Variants in SPARCL1 observed in about 807,000 individuals in gnomAD.
SPARCL1 encodes SPARC like 1.
In SPARCL1, 52 loss-of-function variants were observed where a neutral mutation model predicts 67.1. The ratio of observed to expected loss-of-function variants is 0.78; its 90% CI spans 0.62 to 0.98. The LOEUF (loss-of-function observed/expected upper bound fraction) is 0.98, where lower values mean the gene tolerates loss of function less well. Ranked by LOEUF, SPARCL1 falls within the 50% of genes least tolerant of loss-of-function variation. The probability of loss-of-function intolerance (pLI) is 0.00; values close to 1 mark genes in which losing one functional copy is unlikely to be tolerated. For missense variants in SPARCL1, 717 were observed against 782.4 expected (o/e 0.92, Z 1.00); for synonymous variants, 226 against 267.8 (o/e 0.84, Z 1.52).
chr4:87,511,067 G>C (rs560351289), intron 1 of SPARCL1, among the ~76,000 whole-genome samples: 1 of 152,322 alleles, frequency 6.6e-6, no homozygotes, highest in South Asian at 2.1e-4. Context: ...CACCCCTGCC[G>C]CGAGTTCCGT....
At position 87,495,071 on chromosome 4, in the gene SPARCL1, A is replaced by G. The variant is rs8342; in HGVS notation, c.111T>C (p.Pro37=). 1,014,485 of 1,611,304 alleles carry G rather than the reference A, an allele frequency of 0.63. 325,309 individuals are homozygous for G. Among genetic ancestry groups the G allele is most frequent in the African/African-American group, 0.86 (64,729 of 74,892 alleles). Residue 37 remains proline (P), a synonymous_variant, in exon 3 of 11, where the codon CCT becomes CCC. Transcript: ENST00000282470. ...TTAAACTGGGGATTGCAGTGTTGTC[A>G]GGTGCTACCGTTTCAGCAGTTGGTT... The part of the protein sequence containing the change: ...HSKPTAETVA[P]DNTAIPSLRA...
chr4:87,506,787 A>ATCTATCTATCTATCTATC (rs1725098003), intron 1 of SPARCL1, among the ~76,000 whole-genome samples: 3 of 34,390 alleles, frequency 8.7e-5, no homozygotes, highest in Non-Finnish European at 2.2e-4. Flanking sequence ...TCTATCATCT[A>ATCTATCTATCTATCTATC]TCTATCTATC....
chr4:87,482,579 G>A lies in SPARCL1; in HGVS notation c.1532-19C>T, dbSNP rs979898955. 1.9e-6 allele frequency: 3 copies of A among 1,613,596 alleles called. No individual in the cohort carries two copies. The stretch of plus-strand genomic sequence containing the variant: ...GGAATAGCTGTTACAAGCAGAAAAT[G>A]TACTGTAATCTTTGGGCTTATTTGT... On this transcript the variant is annotated intron_variant, in intron 7 of 10. Transcript: ENST00000282470.
intron 1 of SPARCL1, among the ~76,000 whole-genome samples, chr4:87,516,687 G>A (rs147719191): frequency 5.3e-5 from 8 of 152,216 alleles, no homozygotes; most frequent in African/African-American, 1.4e-4. Context: ...AAGGGCACCC[G>A]GAGGCACAGC....
Position 87,494,904 on chromosome 4 carries a change from T to A in SPARCL1, c.201+77A>T. 2.3e-6 allele frequency: 3 copies of A among 1,302,940 alleles called. No individual in the cohort carries two copies. In the East Asian group the frequency reaches 7.1e-5, roughly 31 times the overall value. 80.7% of individuals were successfully genotyped at this position (1,302,940 alleles called of 1,614,324 possible). The stretch of plus-strand genomic sequence containing the variant: ...TTAAACTGAGACATAAATAACATAA[T>A]CTCTTTTACCATGCTTTGAAACTAA... On this transcript the variant is annotated intron_variant, in intron 3 of 10. Coordinates refer to ENST00000282470, the MANE Select transcript of SPARCL1 (RefSeq NM_004684.6).
Position 87,490,130 on chromosome 4 carries a change from T to C in SPARCL1, c.1531+143A>G, listed in dbSNP as rs565646232. On this transcript the variant is annotated intron_variant, in intron 7 of 10. Transcript: ENST00000282470. ...TACGGTTAAGGCCTGAGAGTTCTTA[T>C]TTTTTAAGTTTCTCCAGTTGATAAT... 14 of 891,626 alleles carry C rather than the reference T, an allele frequency of 1.6e-5. No individual in the cohort carries two copies. In the South Asian group the frequency reaches 2.5e-4, roughly 16 times the overall value. The allele number at this position is 891,626 out of a possible 1,614,324, so 55.2% of individuals were successfully genotyped here.
At chr4:87,480,670 A>G (rs569489379) in intron 8 of SPARCL1, 150 bp from the exon 9 acceptor site, 2 of 646,898 alleles carry the variant, frequency 3.1e-6, no homozygotes, top group Non-Finnish European at 2.5e-6. Flanking sequence ...ATTCCTTCCA[A>G]TCAATACTAC....
chr4:87,493,187 T>TGGA, intron 4 of SPARCL1, among the ~76,000 whole-genome samples: 1 of 152,288 alleles, frequency 6.6e-6, no homozygotes, highest in African/African-American at 2.4e-5. Flanking sequence ...GCTGGGAAAT[T>TGGA]AATACCCCTC....
Position 87,479,639 on chromosome 4 carries a change from C to T in SPARCL1, c.1818-61G>A, listed in dbSNP as rs1427788202. On this transcript the variant is annotated intron_variant, in intron 9 of 10. Coordinates refer to ENST00000282470, the MANE Select transcript of SPARCL1 (RefSeq NM_004684.6). ...AGCTTGTGCATGAAGATTTAACTCT[C>T]AGGCTCACCAAGGACATTTTTCTCC... 6 of 1,538,450 alleles carry T rather than the reference C, an allele frequency of 3.9e-6. No homozygotes were observed. The East Asian group carries it at 1.1e-4, about 29-fold the overall frequency.
chr4:87,482,288 C>T, intron 8 of SPARCL1, 136 bp downstream of exon 8: 1 of 851,042 alleles, frequency 1.2e-6, no homozygotes, highest in Non-Finnish European at 1.8e-6. Flanking sequence ...TTCTGTTAAG[C>T]CACATGGGCT....
intron 2 of SPARCL1, among the ~76,000 whole-genome samples, chr4:87,498,438 G>A (rs972419801): frequency 6.6e-6 from 1 of 152,142 alleles, no homozygotes; most frequent in African/African-American, 2.4e-5. Context: ...TTTAAAGGAG[G>A]CTGATTCCTC....
At chr4:87,493,122 G>A (rs1198424369) in intron 4 of SPARCL1, among the ~76,000 whole-genome samples, 1 of 152,036 alleles carries the variant, frequency 6.6e-6, no homozygotes, top group African/African-American at 2.4e-5. Context: ...CTGCATTTCC[G>A]TGCCTGAAAA....
intron 7 of SPARCL1, among the ~76,000 whole-genome samples, chr4:87,489,274 G>C (rs1005063912): frequency 6.6e-6 from 1 of 152,202 alleles, no homozygotes; most frequent in East Asian, 1.9e-4. Context: ...TGGGAAAAGC[G>C]TAGTATCTGG....
intron 2 of SPARCL1, chr4:87,497,283 AAAG>A: frequency 2.2e-6 from 2 of 923,732 alleles, no homozygotes; most frequent in South Asian, 1.0e-4. Flanking sequence ...AAGAAGCCTT[AAAG>A]AAGGGGGAAA....
Position 87,484,053 on chromosome 4 carries a change from G to A in SPARCL1, c.1532-1493C>T, listed in dbSNP as rs547603996. On this transcript the variant is annotated intron_variant, in intron 7 of 10. Coordinates refer to ENST00000282470, the MANE Select transcript of SPARCL1 (RefSeq NM_004684.6). Reference sequence around the variant, plus strand: ...AGGTTGCCTGTTTACTCTGATGATAGTTTCTTTTGCTGTGCAGAAGCTCTT... The same window carrying A: ...AGGTTGCCTGTTTACTCTGATGATAATTTCTTTTGCTGTGCAGAAGCTCTT... Among the ~76,000 whole-genome samples the A allele has an allele frequency of 3.3e-5, 5 of 152,222 alleles. No individual in the cohort carries two copies. The South Asian group carries it at 1.0e-3, about 32-fold the overall frequency.
At chr4:87,522,640 AACACACACACACACACACACAC>A (rs57929830) in intron 1 of SPARCL1, among the ~76,000 whole-genome samples, 1 of 131,812 alleles carries the variant, frequency 7.6e-6, no homozygotes, top group Admixed American at 7.8e-5. Flanking sequence ...ACCACCACCA[AACACACACACACACACACACAC>A]ACACACACAC....
intron 1 of SPARCL1, among the ~76,000 whole-genome samples, chr4:87,502,949 C>T (rs1451374482): frequency 6.6e-6 from 1 of 152,156 alleles, no homozygotes; most frequent in Non-Finnish European, 1.5e-5. Context: ...AAATTCATAC[C>T]TCTTACCTTG....
At chr4:87,480,820 C>CCTTTTTTTTTT (rs59503255) in intron 8 of SPARCL1, among the ~76,000 whole-genome samples, 2 of 133,384 alleles carry the variant, frequency 1.5e-5, no homozygotes, top group African/African-American at 2.6e-5. Flanking sequence ...ATGTTCGCTG[C>CCTTTTTTTTTT]TTTTTTTTTT....
intron 1 of SPARCL1, among the ~76,000 whole-genome samples, chr4:87,517,806 G>A (rs61314047): frequency 0.049 from 7,498 of 152,132 alleles, 595 homozygotes; most frequent in African/African-American, 0.17. Flanking sequence ...TATTTATTGG[G>A]GGGTAGTTCT....
Sources: gnomAD v4.1 joint callset for allele counts (sites outside exome capture counted in the v4.1 genomes callset) on GRCh38, gnomAD v4.1.1 for gene constraint, MANE v1.5 for transcripts, NCBI Gene and HGNC (gene_info 2026-07-23, HGNC 2026-07-21) for gene names.